TRPC4: variants seen among roughly 807,000 people sequenced by gnomAD.
The protein encoded by TRPC4 is short transient receptor potential channel 4.
TRPC4 carries 49 observed loss-of-function variants against 99.4 expected under a neutral mutation model. That is an observed-to-expected ratio of 0.49 (90% CI 0.39 to 0.63). TRPC4 has a LOEUF of 0.63. TRPC4 is among the 20% of genes least tolerant of loss of function. The pLI, the probability that TRPC4 is intolerant of heterozygous loss-of-function variation, is 0.00. For missense variants in TRPC4, 898 were observed against 1,152.9 expected (o/e 0.78, Z 3.20); for synonymous variants, 454 against 425.9 (o/e 1.07, Z -0.81).
intron 2 of TRPC4, among the ~76,000 whole-genome samples, chr13:37,772,196 T>C (rs1221771055): frequency 6.6e-6 from 1 of 151,702 alleles, no homozygotes. Flanking sequence ...CACACACAGT[T>C]AGTGTATGGA....
intron 1 of TRPC4, among the ~76,000 whole-genome samples, chr13:37,799,032 C>T (rs566337102): frequency 1.2e-4 from 18 of 151,360 alleles, no homozygotes; most frequent in African/African-American, 3.4e-4. Flanking sequence ...CCTGGGTTCA[C>T]GCCATTCTCC....
At chr13:37,806,282 A>G (rs1174117482) in intron 1 of TRPC4, among the ~76,000 whole-genome samples, 1 of 151,944 alleles carries the variant, frequency 6.6e-6, no homozygotes. Context: ...TTTTTTCTTT[A>G]CCTTCATCTT....
At chr13:37,773,288 C>G (rs1956604887) in intron 2 of TRPC4, among the ~76,000 whole-genome samples, 1 of 151,776 alleles carries the variant, frequency 6.6e-6, no homozygotes, top group South Asian at 2.1e-4. Context: ...AACCTACACT[C>G]AAATCTCACT....
At chr13:37,849,231 A>G (rs1466521379) in intron 1 of TRPC4, among the ~76,000 whole-genome samples, 1 of 152,176 alleles carries the variant, frequency 6.6e-6, no homozygotes, top group Non-Finnish European at 1.5e-5. Flanking sequence ...CCCAACTGAC[A>G]TGGAAACTGT....
chr13:37,722,185 G>A (rs1034604413), intron 3 of TRPC4, among the ~76,000 whole-genome samples: 3 of 152,170 alleles, frequency 2.0e-5, no homozygotes, highest in African/African-American at 4.8e-5. Context: ...AAGTGATTTA[G>A]ACCCAGGTGA....
intron 1 of TRPC4, among the ~76,000 whole-genome samples, chr13:37,786,585 T>C (rs1956976706): frequency 6.6e-6 from 1 of 152,024 alleles, no homozygotes; most frequent in Non-Finnish European, 1.5e-5. Flanking sequence ...ATCTATGGAA[T>C]TGCTACTGGA....
chr13:37,850,662 T>C (rs1959030288), intron 1 of TRPC4, among the ~76,000 whole-genome samples: 1 of 152,192 alleles, frequency 6.6e-6, no homozygotes, highest in Non-Finnish European at 1.5e-5. Flanking sequence ...TGCTTTTGAC[T>C]GTGATTAAAT....
chr13:37,833,429 G>C (rs1441207673), intron 1 of TRPC4, among the ~76,000 whole-genome samples: 2 of 152,116 alleles, frequency 1.3e-5, no homozygotes, highest in Non-Finnish European at 2.9e-5. Flanking sequence ...ATATTCTTAG[G>C]ATACAGAGTT....
In TRPC4 at chr13:37,637,017, C is replaced by A. The variant is rs1426730736; in HGVS notation, c.2820G>T (p.Thr940=). ...FKSEKVVVED[T]VPIIPKEKHA... is the part of the protein sequence containing the mutation. ...GTTTCTCCTTTGGTATTATAGGAAC[C>A]GTGTCCTCCACCACCACCTTCTCTG... The change falls in exon 11 of 11, where the codon ACG becomes ACT. Residue 940 remains threonine (T), a synonymous_variant. Coordinates refer to ENST00000379705, the MANE Select transcript of TRPC4 (RefSeq NM_016179.4). The A allele has an allele frequency of 1.2e-6, 2 of 1,613,666 alleles. No individual in the cohort carries two copies. Among genetic ancestry groups the A allele is most frequent in the East Asian group, 2.2e-5 (1 of 44,852 alleles).
chr13:37,661,386 T>C (rs989470875), intron 6 of TRPC4, among the ~76,000 whole-genome samples: 1 of 152,176 alleles, frequency 6.6e-6, no homozygotes, highest in Non-Finnish European at 1.5e-5. Context: ...CATGACAGTG[T>C]TATGTATAAC....
intron 8 of TRPC4, among the ~76,000 whole-genome samples, chr13:37,651,012 C>G (rs141449538): frequency 4.5e-4 from 68 of 152,250 alleles, no homozygotes; most frequent in Middle Eastern, 3.4e-3. Context: ...TAGCAGAACT[C>G]AAGGAGGGCT....
At chr13:37,729,814 C>T (rs1017318726) in intron 3 of TRPC4, among the ~76,000 whole-genome samples, 5 of 151,888 alleles carry the variant, frequency 3.3e-5, no homozygotes, top group African/African-American at 7.3e-5. Flanking sequence ...TGGTGGATGC[C>T]AGAGACTGAA....
intron 1 of TRPC4, among the ~76,000 whole-genome samples, chr13:37,851,362 AT>A (rs1959050808): frequency 6.6e-6 from 1 of 152,186 alleles, no homozygotes; most frequent in Admixed American, 6.5e-5. Context: ...TAATTTAAAA[AT>A]TCTTAACAAA....
At chr13:37,828,117 C>T (rs909062326) in intron 1 of TRPC4, among the ~76,000 whole-genome samples, 9 of 152,196 alleles carry the variant, frequency 5.9e-5, no homozygotes, top group Admixed American at 3.3e-4. Flanking sequence ...GGCAATGCCT[C>T]GCCCTGCTTC....
At chr13:37,760,123 G>A (rs1452558156) in intron 2 of TRPC4, among the ~76,000 whole-genome samples, 1 of 151,802 alleles carries the variant, frequency 6.6e-6, no homozygotes, top group Non-Finnish European at 1.5e-5. Flanking sequence ...TTAAACATTA[G>A]TTGAGATTCT....
chr13:37,671,362 AT>A (rs1392808148), intron 5 of TRPC4, among the ~76,000 whole-genome samples: 1 of 152,178 alleles, frequency 6.6e-6, no homozygotes, highest in Non-Finnish European at 1.5e-5. Flanking sequence ...TACTCTTTTG[AT>A]TATTATCATC....
chr13:37,654,236 G>C (rs1320576118), intron 7 of TRPC4, among the ~76,000 whole-genome samples: 1 of 152,042 alleles, frequency 6.6e-6, no homozygotes, highest in Non-Finnish European at 1.5e-5. Flanking sequence ...AGATTCAAAG[G>C]TGTAATGGAA....
intron 1 of TRPC4, among the ~76,000 whole-genome samples, chr13:37,823,284 C>A (rs200227051): frequency 1.3e-4 from 19 of 151,252 alleles, no homozygotes; most frequent in South Asian, 6.3e-4. Flanking sequence ...AATTAGATCC[C>A]ATTTGTCATT....
At chr13:37,719,820 A>C (rs1033067039) in intron 3 of TRPC4, among the ~76,000 whole-genome samples, 1 of 152,178 alleles carries the variant, frequency 6.6e-6, no homozygotes, top group Admixed American at 6.5e-5. Flanking sequence ...GCTATGTTAC[A>C]TGGCAAGCAG....
Sources: allele counts gnomAD v4.1 joint callset (sites outside exome capture counted in the v4.1 genomes callset), GRCh38; gene constraint gnomAD v4.1.1; transcripts MANE v1.5; gene names NCBI Gene and HGNC (gene_info 2026-07-23, HGNC 2026-07-21).